ADAMTS2: variants seen among roughly 807,000 people sequenced by gnomAD.
ADAMTS2 encodes the protein ADAM metallopeptidase with thrombospondin type 1 motif 2.
In ADAMTS2, 50 loss-of-function variants were observed where a neutral mutation model predicts 123.0. The ratio of observed to expected loss-of-function variants is 0.41; its 90% CI spans 0.32 to 0.51. ADAMTS2 has a LOEUF of 0.51. ADAMTS2 is among the 20% of genes least tolerant of loss of function. ADAMTS2 has a pLI of 0.35. For missense variants in ADAMTS2, 1,494 were observed against 1,705.2 expected (o/e 0.88, Z 2.18); for synonymous variants, 678 against 695.4 (o/e 0.98, Z 0.39).
intron 4 of ADAMTS2, among the ~76,000 whole-genome samples, chr5:179,191,270 G>A (rs1764298973): frequency 6.6e-6 from 1 of 152,200 alleles, no homozygotes; most frequent in Non-Finnish European, 1.5e-5. Flanking sequence ...GAACTCTGCT[G>A]AGCTTGTCGG....
intron 3 of ADAMTS2, among the ~76,000 whole-genome samples, chr5:179,235,525 C>T (rs1765503294): frequency 6.6e-6 from 1 of 152,220 alleles, no homozygotes; most frequent in Non-Finnish European, 1.5e-5. Flanking sequence ...AAGAAACTCA[C>T]CTGGCCCCTT....
intron 2 of ADAMTS2, among the ~76,000 whole-genome samples, chr5:179,298,833 G>A (rs1756418714): frequency 6.6e-6 from 1 of 152,138 alleles, no homozygotes; most frequent in Non-Finnish European, 1.5e-5. Flanking sequence ...GAAAACATTT[G>A]GATTATACTA....
At chr5:179,203,991 A>G (rs564673287) in intron 4 of ADAMTS2, among the ~76,000 whole-genome samples, 1 of 152,348 alleles carries the variant, frequency 6.6e-6, no homozygotes, top group Non-Finnish European at 1.5e-5. Context: ...CGATCCACCC[A>G]CACACGGGAT....
At chr5:179,187,131 C>T (rs1184002077) in intron 4 of ADAMTS2, among the ~76,000 whole-genome samples, 2 of 152,182 alleles carry the variant, frequency 1.3e-5, no homozygotes, top group Non-Finnish European at 2.9e-5. Flanking sequence ...CTGGAATCCT[C>T]ACTCTCCCTG....
intron 4 of ADAMTS2, among the ~76,000 whole-genome samples, chr5:179,193,984 T>C (rs1764362468): frequency 6.6e-6 from 1 of 152,140 alleles, no homozygotes; most frequent in African/African-American, 2.4e-5. Context: ...AGCTGTCACC[T>C]CCTTGCTGGA....
chr5:179,239,787 G>A (rs1765620313), intron 3 of ADAMTS2, among the ~76,000 whole-genome samples: 1 of 152,134 alleles, frequency 6.6e-6, no homozygotes. Context: ...GAAGAGGAAG[G>A]ATCAGCAAAG....
rs959301863 is a variant in ADAMTS2 at position 179,308,054 on chromosome 5, C to T, written c.535-34990G>A. ...AGGTCGCCGGCCCTCCCGAGGCTCC[C>T]TTCCCCTACTTCAGGATGGTGTAAG... On this transcript the variant is annotated intron_variant, in intron 2 of 21. Transcript: ENST00000251582. This position sits in a 1 kb window ranked among gnomAD's most constrained non-coding sequence, Gnocchi z 6.6. Among the ~76,000 whole-genome samples the T allele has an allele frequency of 6.6e-6, 1 of 152,188 alleles. No homozygotes were observed. The highest frequency in any genetic ancestry group is 2.4e-5 in the African/African-American group (1 of 41,446).
At chr5:179,274,301 C>T (rs1766631554) in intron 2 of ADAMTS2, among the ~76,000 whole-genome samples, 1 of 152,216 alleles carries the variant, frequency 6.6e-6, no homozygotes, top group Non-Finnish European at 1.5e-5. Context: ...AGATCACAAG[C>T]TTATGACCCA....
At chr5:179,235,234 G>A (rs1765497528) in intron 3 of ADAMTS2, among the ~76,000 whole-genome samples, 1 of 152,184 alleles carries the variant, frequency 6.6e-6, no homozygotes, top group South Asian at 2.1e-4. Context: ...TGAGCTCCAG[G>A]GGTAAAATCA....
chr5:179,112,077 T>G lies in ADAMTS2; in HGVS notation c.*1790A>C, dbSNP rs1216190681. 1 of 152,286 alleles carries G rather than the reference T, an allele frequency of 6.6e-6. No individual in the cohort carries two copies. The highest frequency in any genetic ancestry group is 2.4e-5 in the African/African-American group (1 of 41,474). The allele number at this position is 152,286 out of a possible 1,614,324, so 9.4% of individuals were successfully genotyped here. On this transcript the variant is annotated 3_prime_UTR_variant, in exon 22 of 22. Transcript: ENST00000251582. ...CTTGCTGGTTCCTACATCGTCATTT[T>G]GTCCCTTGGATCATACACACAGAGC...
chr5:179,139,084 G>T (rs1038434844), intron 11 of ADAMTS2, among the ~76,000 whole-genome samples: 2 of 152,264 alleles, frequency 1.3e-5, no homozygotes, highest in Non-Finnish European at 2.9e-5. Context: ...GAAGCTCTGT[G>T]TGTCTAAGCA....
At position 179,181,119 on chromosome 5, in the gene ADAMTS2, G is replaced by A; in HGVS notation, c.928C>T (p.His310Tyr). 5.0e-6 allele frequency: 8 copies of A among 1,613,904 alleles called. No homozygotes were observed. Among genetic ancestry groups the A allele is most frequent in the Non-Finnish European group, 6.8e-6 (8 of 1,179,924 alleles). The change falls in exon 5 of 22, where the codon CAC becomes TAC. Residue 310 changes from histidine to tyrosine, a missense_variant. His to Tyr is a moderately conservative substitution (Grantham distance 83). This residue lies in a region of ADAMTS2 where 70 missense variants were observed against 85.3 expected (regional missense o/e 0.82). Coordinates refer to ENST00000251582, the MANE Select transcript of ADAMTS2 (RefSeq NM_014244.5). This position sits in a 1 kb window ranked among gnomAD's most constrained non-coding sequence, Gnocchi z 4.1. ...EIYHDESLGA[H>Y]INVVLVRIIL... ...ATCCGCACCAGGACCACGTTGATGTGGGCACCCAAGGACTCGTCATGGTAG... is the reference window on the plus strand; with the variant it reads ...ATCCGCACCAGGACCACGTTGATGTAGGCACCCAAGGACTCGTCATGGTAG...
At chr5:179,210,493 T>C (rs1254814878) in intron 3 of ADAMTS2, among the ~76,000 whole-genome samples, 1 of 152,256 alleles carries the variant, frequency 6.6e-6, no homozygotes, top group Non-Finnish European at 1.5e-5. Context: ...ATCGTGATAA[T>C]TTTGGGGTGA....
chr5:179,195,957 C>T (rs17668593), intron 4 of ADAMTS2, among the ~76,000 whole-genome samples: 24,388 of 152,174 alleles, frequency 0.16, 2,399 homozygotes, highest in Non-Finnish European at 0.22. Context: ...GCCAGCGACT[C>T]GTGAACTATG....
intron 3 of ADAMTS2, among the ~76,000 whole-genome samples, chr5:179,230,376 C>T (rs1315193384): frequency 1.3e-5 from 2 of 152,200 alleles, no homozygotes; most frequent in Non-Finnish European, 2.9e-5. Context: ...CCGAGATGCT[C>T]AGCTGTGCAG....
At chr5:179,265,142 C>T (rs913163490) in intron 3 of ADAMTS2, among the ~76,000 whole-genome samples, 6 of 152,240 alleles carry the variant, frequency 3.9e-5, no homozygotes, top group Non-Finnish European at 7.3e-5. Context: ...CTCAGAACCA[C>T]TGGCCGGTCT....
In ADAMTS2 at chr5:179,114,195, T is replaced by A. The variant is rs1361202275; in HGVS notation, c.3308A>T (p.Glu1103Val). The A allele has an allele frequency of 6.2e-7, 1 of 1,612,022 alleles. No individual in the cohort carries two copies. The highest frequency in any genetic ancestry group is 2.2e-5 in the East Asian group (1 of 44,848). The stretch of plus-strand genomic sequence containing the variant: ...CCCAGGCGGTGGCTCTATCCTGCCC[T>A]CCACGTTGGTGAGGTTGTTGTACAG... ...CNLYNNLTNVEGRIEPPPGKH... is the reference protein window; with the variant it reads ...CNLYNNLTNVVGRIEPPPGKH... The change falls in exon 22 of 22, where the codon GAG becomes GTG. Residue 1103 changes from glutamate to valine, a missense_variant. Physicochemically the swap from Glu to Val is moderately radical, Grantham distance 121. Transcript: ENST00000251582.
chr5:179,178,409 G>C (rs1483477819), intron 5 of ADAMTS2, among the ~76,000 whole-genome samples: 1 of 152,198 alleles, frequency 6.6e-6, no homozygotes, highest in Non-Finnish European at 1.5e-5. Flanking sequence ...TGCCCTCCTA[G>C]CCAGCATTCA....
intron 4 of ADAMTS2, among the ~76,000 whole-genome samples, chr5:179,199,103 C>T (rs1764500166): frequency 6.6e-6 from 1 of 152,202 alleles, no homozygotes; most frequent in African/African-American, 2.4e-5. Flanking sequence ...GGTTTCTGGG[C>T]TCGCCCTAGG....
Sources: gnomAD v4.1 joint callset for allele counts (sites outside exome capture counted in the v4.1 genomes callset) on GRCh38, gnomAD v4.1.1 for gene constraint, gnomAD v4.1.1 regional missense constraint, Gnocchi (gnomAD v3.1) non-coding constraint, MANE v1.5 for transcripts, NCBI Gene and HGNC (gene_info 2026-07-23, HGNC 2026-07-21) for gene names.